Variants in DYM observed in about 807,000 individuals in gnomAD.
DYM encodes the protein dymeclin, also known as dyggve-Melchior-Clausen syndrome protein.
Under a neutral mutation model 93.1 loss-of-function variants are expected in DYM, and 78 were observed. That is an observed-to-expected ratio of 0.84 (90% CI 0.70 to 1.01). DYM has a LOEUF of 1.01. Among genes scored for constraint, DYM ranks in the 50% least tolerant of loss-of-function variants. The pLI, the probability that DYM is intolerant of heterozygous loss-of-function variation, is 0.00. For missense variants in DYM, 789 were observed against 845.0 expected (o/e 0.93, Z 0.82); for synonymous variants, 321 against 319.7 (o/e 1.00, Z -0.04).
chr18:49,194,654 C>G (rs1320768644), intron 14 of DYM, among the ~76,000 whole-genome samples: 1 of 109,274 alleles, frequency 9.2e-6, no homozygotes, highest in African/African-American at 3.5e-5. Flanking sequence ...ATCACTGTGG[C>G]AGGCTAGTAA....
chr18:49,157,575 C>A (rs2086608721), intron 15 of DYM, among the ~76,000 whole-genome samples: 1 of 152,182 alleles, frequency 6.6e-6, no homozygotes, highest in African/African-American at 2.4e-5. Context: ...TCACAAGCCA[C>A]AGAACCAGTT....
At chr18:49,450,485 C>A (rs758812797) in intron 1 of DYM, among the ~76,000 whole-genome samples, 6 of 152,156 alleles carry the variant, frequency 3.9e-5, no homozygotes, top group Non-Finnish European at 8.8e-5. Context: ...ATTTGGAATT[C>A]TATTTCATAA....
chr18:49,068,016 C>A (rs1404687697), intron 17 of DYM, among the ~76,000 whole-genome samples: 1 of 152,138 alleles, frequency 6.6e-6, no homozygotes, highest in Non-Finnish European at 1.5e-5. Flanking sequence ...AACATAAATA[C>A]ATCATAAACA....
intron 6 of DYM, 121 bp downstream of exon 6, chr18:49,363,040 G>C: frequency 2.6e-6 from 2 of 769,330 alleles, no homozygotes; most frequent in East Asian, 5.2e-5. Context: ...TGTGGATATA[G>C]AATCCTTAAA....
chr18:49,284,434 C>T (rs977002923), intron 9 of DYM, among the ~76,000 whole-genome samples: 2 of 152,090 alleles, frequency 1.3e-5, no homozygotes, highest in African/African-American at 4.8e-5. Context: ...CATGACCATC[C>T]CAAGCAAAGT....
At chr18:49,179,862 G>A (rs948979449) in intron 14 of DYM, among the ~76,000 whole-genome samples, 14 of 151,750 alleles carry the variant, frequency 9.2e-5, no homozygotes, top group African/African-American at 3.1e-4. Context: ...TCCACTTAAG[G>A]CAAAAAAAGA....
rs577771284 is a variant in DYM at position 49,374,713 on chromosome 18, C to T, written c.421+3854G>A. On this transcript the variant is annotated intron_variant, in intron 5 of 17. Transcript: ENST00000675505. ...GTGGCTCACACCTGTAATCCCAGCA[C>T]TTTGGGAGGCCGAGGTGGGCAGATC... 3.3e-5 allele frequency among the ~76,000 whole-genome samples: 5 copies of T among 152,304 alleles called. No individual in the cohort carries two copies. In the East Asian group the frequency reaches 9.6e-4, roughly 29 times the overall value.
chr18:49,100,467 G>A (rs1331510046), intron 16 of DYM, among the ~76,000 whole-genome samples: 1 of 151,942 alleles, frequency 6.6e-6, no homozygotes, highest in African/African-American at 2.4e-5. Context: ...TTTCCTCTAA[G>A]CCACAAGGAA....
intron 17 of DYM, among the ~76,000 whole-genome samples, chr18:49,089,739 AT>A (rs2078872652): frequency 6.6e-6 from 1 of 152,228 alleles, no homozygotes; most frequent in African/African-American, 2.4e-5. Flanking sequence ...GTGACTGTTC[AT>A]TAATTAAGAG....
chr18:49,348,791 C>T (rs1290720612), intron 6 of DYM, among the ~76,000 whole-genome samples: 1 of 151,828 alleles, frequency 6.6e-6, no homozygotes, highest in Non-Finnish European at 1.5e-5. Context: ...CACCTGTAAT[C>T]CCAGCTACTC....
In DYM at chr18:49,043,798, C is replaced by T. The variant is rs1033951302; in HGVS notation, c.*257G>A. On this transcript the variant is annotated 3_prime_UTR_variant, in exon 18 of 18. Transcript: ENST00000675505. ...GATTTTTGGCTTCGAAATAAAACTGCATGTTGAATAGCAGGTTTTTACATT... is the reference window on the plus strand; with the variant it reads ...GATTTTTGGCTTCGAAATAAAACTGTATGTTGAATAGCAGGTTTTTACATT... The T allele has an allele frequency of 2.2e-5, 11 of 492,472 alleles. No homozygotes were observed. Among genetic ancestry groups the T allele is most frequent in the African/African-American group, 2.1e-4 (11 of 51,606 alleles). 30.5% of individuals were successfully genotyped at this position (492,472 alleles called of 1,614,324 possible). A position where few individuals can be genotyped will look rare whatever the true frequency, so the allele number is the denominator to read the frequency against.
intron 6 of DYM, among the ~76,000 whole-genome samples, chr18:49,341,098 T>C (rs568858282): frequency 6.6e-6 from 1 of 152,310 alleles, no homozygotes; most frequent in South Asian, 2.1e-4. Context: ...TCTACATTAA[T>C]TTTCTAACTT....
chr18:49,403,563 T>C (rs2071092423), intron 2 of DYM, among the ~76,000 whole-genome samples: 1 of 152,218 alleles, frequency 6.6e-6, no homozygotes, highest in African/African-American at 2.4e-5. Context: ...CAAAGACTTT[T>C]TTAAGTCTAG....
At chr18:49,120,087 AAAAAAAAAG>A (rs1344143259) in intron 15 of DYM, among the ~76,000 whole-genome samples, 1 of 150,992 alleles carries the variant, frequency 6.6e-6, no homozygotes, top group African/African-American at 2.4e-5. Context: ...TCAAAAAAAA[AAAAAAAAAG>A]AAAAAAAAGA....
At chr18:49,172,738 C>G (rs1260235502) in intron 14 of DYM, among the ~76,000 whole-genome samples, 1 of 152,018 alleles carries the variant, frequency 6.6e-6, no homozygotes, top group Non-Finnish European at 1.5e-5. Context: ...TTTTCATTTT[C>G]TTCAAAAAAC....
chr18:49,363,242 A>G lies in DYM; in HGVS notation c.422-9T>C. Reference sequence around the variant, plus strand: ...ATCTTCTGAGTCAGAACCTGGTAAGACACATAAAAAGATTTTTTTTTAACA... The same window carrying G: ...ATCTTCTGAGTCAGAACCTGGTAAGGCACATAAAAAGATTTTTTTTTAACA... On this transcript the variant is annotated splice_polypyrimidine_tract_variant and intron_variant, in intron 5 of 17. Coordinates refer to ENST00000675505, the MANE Select transcript of DYM (RefSeq NM_001353214.3). The G allele has an allele frequency of 6.2e-7, 1 of 1,608,632 alleles. No homozygotes were observed. Among genetic ancestry groups the G allele is most frequent in the Non-Finnish European group, 8.5e-7 (1 of 1,177,260 alleles).
intron 14 of DYM, among the ~76,000 whole-genome samples, chr18:49,175,926 A>G (rs1166669794): frequency 2.0e-5 from 3 of 152,204 alleles, no homozygotes; most frequent in Admixed American, 1.3e-4. Context: ...GGAGAAGCCA[A>G]TCCTAGAATC....
intron 6 of DYM, among the ~76,000 whole-genome samples, chr18:49,352,416 A>G (rs909909580): frequency 6.6e-6 from 1 of 152,228 alleles, no homozygotes; most frequent in South Asian, 2.1e-4. Flanking sequence ...AAAATAAAGG[A>G]AAAAACACAA....
chr18:49,145,628 A>G (rs1204916883), intron 15 of DYM, among the ~76,000 whole-genome samples: 1 of 152,156 alleles, frequency 6.6e-6, no homozygotes, highest in Non-Finnish European at 1.5e-5. Context: ...ATGAGTATCA[A>G]CCTGTCCCGA....
Sources: allele counts gnomAD v4.1 joint callset (sites outside exome capture counted in the v4.1 genomes callset), GRCh38; gene constraint gnomAD v4.1.1; transcripts MANE v1.5; gene names NCBI Gene and HGNC (gene_info 2026-07-23, HGNC 2026-07-21).